Variants in PGPEP1L observed in about 807,000 individuals in gnomAD.
The protein encoded by PGPEP1L is pyroglutamyl-peptidase 1-like protein.
Under a neutral mutation model 6.0 loss-of-function variants are expected in PGPEP1L, and 7 were observed. The observed-to-expected ratio is 1.17, with a 90% CI of 0.66 to 2.19. The LOEUF (loss-of-function observed/expected upper bound fraction) is 2.19, where lower values mean the gene tolerates loss of function less well. PGPEP1L is among the 30% of genes most tolerant of loss of function. PGPEP1L has a pLI of 0.00. For synonymous variants in PGPEP1L, 103 were observed against 83.9 expected (o/e 1.23, Z -1.24); for missense variants, 209 against 192.5 (o/e 1.09, Z -0.51).
At chr15:98,991,654 AAG>A (rs1368969288) in intron 2 of PGPEP1L, among the ~76,000 whole-genome samples, 4 of 152,212 alleles carry the variant, frequency 2.6e-5, no homozygotes, top group Admixed American at 2.6e-4. Context: ...ACAACAAAAA[AAG>A]AGAATTTCAG....
intron 2 of PGPEP1L, among the ~76,000 whole-genome samples, chr15:98,991,859 T>C (rs58037103): frequency 0.011 from 1,709 of 152,262 alleles, 40 homozygotes; most frequent in African/African-American, 0.039. Context: ...AAAACCATGA[T>C]TATCTCAATA....
chr15:99,006,667 T>G (rs1291543364), intron 1 of PGPEP1L, among the ~76,000 whole-genome samples: 1 of 152,120 alleles, frequency 6.6e-6, no homozygotes, highest in Non-Finnish European at 1.5e-5. Flanking sequence ...CATCAATTAT[T>G]TTTTTCAAAA....
At chr15:98,985,652 T>A (rs1017257708) in intron 2 of PGPEP1L, among the ~76,000 whole-genome samples, 11 of 152,240 alleles carry the variant, frequency 7.2e-5, no homozygotes, top group Admixed American at 2.6e-4. Flanking sequence ...GGGCTGAACC[T>A]GGCCTTCCCT....
chr15:98,979,415 A>G (rs2017622638), intron 2 of PGPEP1L, among the ~76,000 whole-genome samples: 3 of 152,282 alleles, frequency 2.0e-5, no homozygotes, highest in East Asian at 3.9e-4. Context: ...GGACATGCAC[A>G]TAGCAACACA....
At chr15:98,992,439 G>C (rs559466773) in intron 2 of PGPEP1L, among the ~76,000 whole-genome samples, 6 of 152,154 alleles carry the variant, frequency 3.9e-5, no homozygotes, top group African/African-American at 1.2e-4. Context: ...ACTGCTCAAG[G>C]AAATGAGAGG....
intron 2 of PGPEP1L, among the ~76,000 whole-genome samples, chr15:98,996,136 C>G (rs1418493650): frequency 1.3e-5 from 2 of 152,182 alleles, no homozygotes; most frequent in Admixed American, 1.3e-4. Flanking sequence ...ATTTTCTGAT[C>G]ATTCTTGTAG....
chr15:98,975,355 G>A (rs190110142), intron 2 of PGPEP1L, among the ~76,000 whole-genome samples: 13 of 152,300 alleles, frequency 8.5e-5, no homozygotes, highest in Admixed American at 7.8e-4. Flanking sequence ...AAAGAGGTTG[G>A]TTATTGGATA....
chr15:98,969,407 G>A lies in PGPEP1L; in HGVS notation c.209+18C>T, dbSNP rs1310000477. 1 of 1,613,434 alleles carries A rather than the reference G, an allele frequency of 6.2e-7. No individual in the cohort carries two copies. The highest frequency in any genetic ancestry group is 8.5e-7 in the Non-Finnish European group (1 of 1,179,478). On this transcript the variant is annotated intron_variant, in intron 4 of 4. Coordinates refer to ENST00000535714, the MANE Select transcript of PGPEP1L (RefSeq NM_001167902.2). ...TTCTCTCCTACCTGCTCAGAGTCCTGACACCCACAGAGCATACCTGCCTGC... is the reference window on the plus strand; with the variant it reads ...TTCTCTCCTACCTGCTCAGAGTCCTAACACCCACAGAGCATACCTGCCTGC...
intron 2 of PGPEP1L, among the ~76,000 whole-genome samples, chr15:98,978,964 G>A (rs899465420): frequency 1.3e-5 from 2 of 151,650 alleles, no homozygotes; most frequent in Non-Finnish European, 2.9e-5. Context: ...TCTTGACCTC[G>A]TGATCCGCCC....
chr15:99,003,024 C>T (rs767129636), intron 2 of PGPEP1L, among the ~76,000 whole-genome samples: 16 of 152,136 alleles, frequency 1.1e-4, no homozygotes, highest in Non-Finnish European at 1.9e-4. Flanking sequence ...GACCCACAAA[C>T]AGGGTTGGCT....
intron 2 of PGPEP1L, among the ~76,000 whole-genome samples, chr15:98,988,200 G>A (rs558424538): frequency 6.6e-6 from 1 of 152,200 alleles, no homozygotes; most frequent in African/African-American, 2.4e-5. Flanking sequence ...TGACTCAGTG[G>A]GTCCCACTCC....
intron 2 of PGPEP1L, among the ~76,000 whole-genome samples, chr15:98,997,530 G>T (rs2017904512): frequency 6.6e-6 from 1 of 152,146 alleles, no homozygotes; most frequent in African/African-American, 2.4e-5. Flanking sequence ...AGGAGAAGAG[G>T]CAGTTCCCTC....
chr15:98,970,941 C>G, intron 3 of PGPEP1L, 95 bp downstream of exon 3: 10 of 1,545,642 alleles, frequency 6.5e-6, no homozygotes, highest in Non-Finnish European at 7.9e-6. Context: ...CGGGGTGCCC[C>G]TCAACCATCA....
chr15:98,979,017 C>T (rs555950392), intron 2 of PGPEP1L, among the ~76,000 whole-genome samples: 9 of 133,794 alleles, frequency 6.7e-5, no homozygotes, highest in South Asian at 2.6e-4. Context: ...TGTGAGCCGC[C>T]GCGCCTGGCT....
chr15:98,983,072 T>C (rs1259967791), intron 2 of PGPEP1L, among the ~76,000 whole-genome samples: 1 of 151,642 alleles, frequency 6.6e-6, no homozygotes, highest in East Asian at 1.9e-4. Flanking sequence ...ATTGGAAAAA[T>C]GTCTGTCATA....
At chr15:98,979,045 A>G (rs1012930738) in intron 2 of PGPEP1L, among the ~76,000 whole-genome samples, 1 of 151,078 alleles carries the variant, frequency 6.6e-6, no homozygotes, top group Non-Finnish European at 1.5e-5. Flanking sequence ...ATATATATAT[A>G]TATATTTTTA....
chr15:98,977,374 C>T (rs1323550568), intron 2 of PGPEP1L, among the ~76,000 whole-genome samples: 1 of 152,162 alleles, frequency 6.6e-6, no homozygotes, highest in Non-Finnish European at 1.5e-5. Flanking sequence ...ATAAATTTCC[C>T]TCTGATATGT....
chr15:99,001,512 T>C lies in PGPEP1L; in HGVS notation c.-142+3917A>G, dbSNP rs565724976. On this transcript the variant is annotated intron_variant, in intron 2 of 4. Coordinates refer to ENST00000535714, the MANE Select transcript of PGPEP1L (RefSeq NM_001167902.2). ...TGATGAATATGTAACTTCGTGACTA[T>C]ACTGAGCCACTGAATGTTACTCGCT... Among the ~76,000 whole-genome samples the C allele has an allele frequency of 2.4e-4, 37 of 152,324 alleles. 1 individual carries two copies. Among genetic ancestry groups the C allele is most frequent in the African/African-American group, 7.2e-4 (30 of 41,574 alleles).
At chr15:98,969,698 A>G in intron 3 of PGPEP1L, 47 bp from the exon 4 acceptor site, 1 of 1,580,028 alleles carries the variant, frequency 6.3e-7, no homozygotes, top group Non-Finnish European at 8.6e-7. Flanking sequence ...AACGAGGCCC[A>G]CCCTGCTCAC....
Sources: allele counts gnomAD v4.1 joint callset (sites outside exome capture counted in the v4.1 genomes callset), GRCh38; gene constraint gnomAD v4.1.1; transcripts MANE v1.5; gene names NCBI Gene and HGNC (gene_info 2026-07-23, HGNC 2026-07-21).